Variants in RARB observed in about 807,000 individuals in gnomAD.
RARB encodes the protein retinoic acid receptor beta.
Under a neutral mutation model 51.9 loss-of-function variants are expected in RARB, and 17 were observed. The observed-to-expected ratio is 0.33, with a 90% confidence interval of 0.22 to 0.49. RARB has a LOEUF of 0.49. Among genes scored for constraint, RARB ranks in the 20% least tolerant of loss-of-function variants. The probability of loss-of-function intolerance (pLI) is 0.99; values close to 1 mark genes in which losing one functional copy is unlikely to be tolerated. For missense variants in RARB, 369 were observed against 550.8 expected (o/e 0.67, Z 3.30); for synonymous variants, 215 against 195.4 (o/e 1.10, Z -0.84).
At chr3:25,200,619 C>T (rs1393155663) in intron 5 of RARB, among the ~76,000 whole-genome samples, 9 of 152,094 alleles carry the variant, frequency 5.9e-5, no homozygotes, top group South Asian at 2.1e-4. Flanking sequence ...AATTTTTGTA[C>T]AAGGTGTAAG....
In RARB at chr3:25,223,316, C is replaced by A. The variant is rs543033510; in HGVS notation, c.178+48741C>A. Among the ~76,000 whole-genome samples the A allele has an allele frequency of 3.9e-5, 6 of 152,154 alleles. No individual in the cohort carries two copies. The South Asian group carries it at 1.0e-3, about 26-fold the overall frequency. On this transcript the variant is annotated intron_variant, in intron 5 of 11. Coordinates refer to the RARB transcript ENST00000383772. ...TTGTTGTATGTATTCATATTATGTT[C>A]GCTTTTATTGCTGAACAGTATTTCA...
At chr3:25,498,494 G>T (rs181410014) in intron 2 of RARB, among the ~76,000 whole-genome samples, 1 of 152,260 alleles carries the variant, frequency 6.6e-6, no homozygotes, top group East Asian at 1.9e-4. Flanking sequence ...CTGAAACTTA[G>T]ACCTTCTCCT....
chr3:24,939,256 T>C (rs1695608955), intron 2 of RARB, among the ~76,000 whole-genome samples: 1 of 152,232 alleles, frequency 6.6e-6, no homozygotes, highest in African/African-American at 2.4e-5. Context: ...TTCCACATTT[T>C]GTGAACAATG....
intron 5 of RARB, among the ~76,000 whole-genome samples, chr3:25,235,775 CTT>C (rs1053914251): frequency 2.0e-5 from 3 of 152,176 alleles, no homozygotes; most frequent in Non-Finnish European, 4.4e-5. Flanking sequence ...AAAACCCCTT[CTT>C]TGACTATTAC....
intron 2 of RARB, among the ~76,000 whole-genome samples, chr3:25,478,685 A>G (rs1182662592): frequency 1.3e-5 from 2 of 152,176 alleles, no homozygotes; most frequent in African/African-American, 4.8e-5. Flanking sequence ...ACACAGGGAG[A>G]AAAAGAAGAA....
intron 2 of RARB, among the ~76,000 whole-genome samples, chr3:24,943,261 C>T (rs1459634396): frequency 6.6e-6 from 1 of 152,150 alleles, no homozygotes; most frequent in Non-Finnish European, 1.5e-5. Flanking sequence ...CCTTTTATTG[C>T]ACTTGGTGAA....
At position 25,434,084 on chromosome 3, in the gene RARB, G is replaced by A. The variant is rs114554626; in HGVS notation, c.157+5196G>A. On this transcript the variant is annotated intron_variant, in intron 1 of 7. Coordinates refer to ENST00000330688, the MANE Select transcript of RARB (RefSeq NM_000965.5). The stretch of plus-strand genomic sequence containing the variant: ...CTGCGCGATAAGGCGAGGATAACAG[G>A]AACTGACGTCAGCAAGGCGACTCAA... 5.1e-4 allele frequency among the ~76,000 whole-genome samples: 77 copies of A among 152,298 alleles called. 1 individual carries two copies. The highest frequency in any genetic ancestry group is 1.7e-3 in the African/African-American group (70 of 41,560).
intron 5 of RARB, among the ~76,000 whole-genome samples, chr3:25,202,345 T>TGC (rs1701415736): frequency 6.6e-6 from 1 of 151,976 alleles, no homozygotes; most frequent in Non-Finnish European, 1.5e-5. Flanking sequence ...ATTAGTCTTC[T>TGC]TAGTGGTCTA....
intron 2 of RARB, among the ~76,000 whole-genome samples, chr3:24,991,462 AAAAG>A (rs1206616400): frequency 5.3e-5 from 8 of 151,846 alleles, no homozygotes; most frequent in African/African-American, 1.9e-4. Context: ...AAGAAAAAGA[AAAAG>A]AAAAAGAAAA....
At chr3:24,853,311 T>A (rs998146404) in intron 1 of RARB, among the ~76,000 whole-genome samples, 4 of 152,134 alleles carry the variant, frequency 2.6e-5, no homozygotes, top group Non-Finnish European at 5.9e-5. Context: ...AGTGAGACTC[T>A]ATCTTAAAAT....
intron 2 of RARB, among the ~76,000 whole-genome samples, chr3:25,027,794 G>A (rs530818918): frequency 1.6e-4 from 25 of 152,270 alleles, no homozygotes; most frequent in South Asian, 8.3e-4. Context: ...GACTCAGGCG[G>A]CCCCAGAGGA....
intron 3 of RARB, among the ~76,000 whole-genome samples, chr3:25,096,450 G>A (rs1359281738): frequency 6.6e-6 from 1 of 152,140 alleles, no homozygotes; most frequent in Non-Finnish European, 1.5e-5. Flanking sequence ...TTATTTGACA[G>A]TAGTCATTAG....
intron 2 of RARB, among the ~76,000 whole-genome samples, chr3:24,948,818 A>T (rs866557194): frequency 6.6e-6 from 1 of 152,040 alleles, no homozygotes; most frequent in African/African-American, 2.4e-5. Flanking sequence ...CCTTCTTGTC[A>T]TGTGTGACGT....
intron 2 of RARB, among the ~76,000 whole-genome samples, chr3:24,976,476 A>G (rs949393703): frequency 2.0e-5 from 3 of 152,034 alleles, no homozygotes; most frequent in African/African-American, 7.3e-5. Context: ...CTGCCGTGGG[A>G]TGGTATCTCA....
intron 3 of RARB, among the ~76,000 whole-genome samples, chr3:25,532,323 T>G (rs1044125564): frequency 1.3e-5 from 2 of 152,208 alleles, no homozygotes; most frequent in African/African-American, 4.8e-5. Context: ...ACATGGCAAG[T>G]CATAAACACA....
intron 5 of RARB, among the ~76,000 whole-genome samples, chr3:25,399,046 CA>C (rs1020546814): frequency 1.3e-5 from 2 of 152,134 alleles, no homozygotes; most frequent in Non-Finnish European, 2.9e-5. Flanking sequence ...CTTCCAAATT[CA>C]GGGCTCTTTT....
chr3:25,094,853 G>A (rs532674788), intron 3 of RARB, among the ~76,000 whole-genome samples: 1 of 151,954 alleles, frequency 6.6e-6, no homozygotes, highest in Non-Finnish European at 1.5e-5. Context: ...ACCCTGGGAA[G>A]GACTCTCCTG....
chr3:25,476,531 T>A (rs1012219358), intron 2 of RARB, among the ~76,000 whole-genome samples: 27 of 152,132 alleles, frequency 1.8e-4, no homozygotes, highest in African/African-American at 5.6e-4. Context: ...GGAAAAAAAA[T>A]TGTGTGGCAC....
At chr3:25,185,495 A>G (rs1700954516) in intron 5 of RARB, among the ~76,000 whole-genome samples, 1 of 152,180 alleles carries the variant, frequency 6.6e-6, no homozygotes, top group African/African-American at 2.4e-5. Context: ...CGGTTGTGAA[A>G]TTGGCCAACC....
Sources: gnomAD v4.1 joint callset for allele counts (sites outside exome capture counted in the v4.1 genomes callset) on GRCh38, gnomAD v4.1.1 for gene constraint, MANE v1.5 for transcripts, NCBI Gene and HGNC (gene_info 2026-07-23, HGNC 2026-07-21) for gene names.